Variants in SORCS3 observed in about 807,000 individuals in gnomAD.
SORCS3 encodes VPS10 domain-containing receptor SorCS3.
In SORCS3, 57 loss-of-function variants were observed where a neutral mutation model predicts 146.3. That is an observed-to-expected ratio of 0.39 (90% confidence interval 0.31 to 0.49). SORCS3 has a LOEUF of 0.49. Among genes scored for constraint, SORCS3 ranks in the 20% least tolerant of loss-of-function variants. The pLI, the probability that SORCS3 is intolerant of heterozygous loss-of-function variation, is 0.92. For synonymous variants in SORCS3, 653 were observed against 618.5 expected, an observed-to-expected ratio of 1.06 and a Z score of -0.83; for missense variants, 1,341 against 1,575.5, an observed-to-expected ratio of 0.85 and a Z score of 2.52.
chr10:104,822,252 A>G (rs2017882210), intron 1 of SORCS3: 1 of 342,370 alleles, frequency 2.9e-6, no homozygotes, highest in Non-Finnish European at 5.8e-6. Flanking sequence ...GACCAGAGTC[A>G]ACACACAAGA....
chr10:104,956,557 T>C (rs1186046759), intron 3 of SORCS3, among the ~76,000 whole-genome samples: 8 of 152,110 alleles, frequency 5.3e-5, no homozygotes, highest in African/African-American at 1.9e-4. Context: ...CTCCTTCTCA[T>C]CATCTCCTCT....
intron 2 of SORCS3, among the ~76,000 whole-genome samples, chr10:104,872,346 G>C (rs987600556): frequency 6.6e-6 from 1 of 152,130 alleles, no homozygotes; most frequent in African/African-American, 2.4e-5. Flanking sequence ...TGAGGGGTTT[G>C]TGTCTGATAC....
chr10:104,691,683 T>C (rs892711108), intron 1 of SORCS3, among the ~76,000 whole-genome samples: 2 of 152,238 alleles, frequency 1.3e-5, no homozygotes, highest in Non-Finnish European at 2.9e-5. Flanking sequence ...GGCATGTAAT[T>C]GTTTATATGT....
chr10:105,188,756 C>A (rs2056495043), intron 14 of SORCS3, among the ~76,000 whole-genome samples: 1 of 152,170 alleles, frequency 6.6e-6, no homozygotes, highest in Non-Finnish European at 1.5e-5. Context: ...TGTGAAATGA[C>A]TTCATCATAA....
chr10:104,875,604 T>G (rs1485145149), intron 2 of SORCS3, among the ~76,000 whole-genome samples: 1 of 152,154 alleles, frequency 6.6e-6, no homozygotes, highest in Non-Finnish European at 1.5e-5. Flanking sequence ...GATAAACCTT[T>G]GAAATGTCAG....
chr10:105,078,103 G>A (rs2055600455), intron 5 of SORCS3, among the ~76,000 whole-genome samples: 1 of 152,148 alleles, frequency 6.6e-6, no homozygotes, highest in Admixed American at 6.5e-5. Context: ...AGGATAAATG[G>A]TGAAAATAGC....
At chr10:105,167,370 T>C (rs1009886236) in intron 13 of SORCS3, 21 bp downstream of exon 13, 3 of 1,578,416 alleles carry the variant, frequency 1.9e-6, no homozygotes, top group Admixed American at 1.7e-5. Flanking sequence ...CTCCCTACCC[T>C]ATTAATGAGC....
At chr10:104,777,120 A>G (rs2017318805) in intron 1 of SORCS3, among the ~76,000 whole-genome samples, 1 of 152,140 alleles carries the variant, frequency 6.6e-6, no homozygotes, top group African/African-American at 2.4e-5. Flanking sequence ...AGAATTAAGC[A>G]TCCTTTTGGC....
At chr10:105,078,432 T>C (rs1401032021) in intron 5 of SORCS3, among the ~76,000 whole-genome samples, 2 of 152,144 alleles carry the variant, frequency 1.3e-5, no homozygotes, top group African/African-American at 4.8e-5. Context: ...TAGACTATGC[T>C]TGAATCCAGG....
At chr10:104,680,360 G>T (rs979931023) in intron 1 of SORCS3, among the ~76,000 whole-genome samples, 8 of 152,216 alleles carry the variant, frequency 5.3e-5, no homozygotes, top group Admixed American at 1.3e-4. Flanking sequence ...GTCCCCATCA[G>T]GACTTAATAC....
intron 2 of SORCS3, among the ~76,000 whole-genome samples, chr10:104,854,458 TTG>T (rs1349173942): frequency 6.6e-6 from 1 of 152,172 alleles, no homozygotes; most frequent in Non-Finnish European, 1.5e-5. Flanking sequence ...CAGAGAGATA[TTG>T]TGTATACTTT....
chr10:105,118,661 G>A (rs575608121), intron 7 of SORCS3, among the ~76,000 whole-genome samples: 93 of 152,294 alleles, frequency 6.1e-4, no homozygotes, highest in Middle Eastern at 6.8e-3. Flanking sequence ...GGACAAGGAA[G>A]TCCAGGCTGA....
chr10:104,725,695 C>G (rs1373170729), intron 1 of SORCS3, among the ~76,000 whole-genome samples: 3 of 152,244 alleles, frequency 2.0e-5, no homozygotes, highest in African/African-American at 7.2e-5. Flanking sequence ...CTCCCCCAGC[C>G]TCACTGCCAC....
At chr10:104,934,072 A>T (rs1220765013) in intron 3 of SORCS3, among the ~76,000 whole-genome samples, 2 of 152,174 alleles carry the variant, frequency 1.3e-5, no homozygotes, top group Non-Finnish European at 2.9e-5. Context: ...GATTACAAGC[A>T]TGAGCCACTG....
intron 2 of SORCS3, among the ~76,000 whole-genome samples, chr10:104,883,270 TG>T (rs1459898086): frequency 6.6e-6 from 1 of 152,180 alleles, no homozygotes; most frequent in African/African-American, 2.4e-5. Flanking sequence ...TGAGAGTCTC[TG>T]AGGTCTTAAC....
chr10:105,057,919 A>G (rs1037542436), intron 5 of SORCS3, among the ~76,000 whole-genome samples: 1 of 152,164 alleles, frequency 6.6e-6, no homozygotes. Flanking sequence ...CCAAATCAGG[A>G]CACGTTCTCC....
chr10:104,863,106 A>G (rs2018422973), intron 2 of SORCS3, among the ~76,000 whole-genome samples: 1 of 152,150 alleles, frequency 6.6e-6, no homozygotes, highest in South Asian at 2.1e-4. Flanking sequence ...AATGGGTAAA[A>G]TCTGCTGAGA....
At chr10:105,163,382 A>G (rs2056283261) in intron 11 of SORCS3, among the ~76,000 whole-genome samples, 1 of 152,198 alleles carries the variant, frequency 6.6e-6, no homozygotes, top group African/African-American at 2.4e-5. Flanking sequence ...AAACTCTTAC[A>G]TGTTTAGGGT....
At chr10:105,135,147 C>A (rs2133775152) in intron 7 of SORCS3, among the ~76,000 whole-genome samples, 1 of 152,210 alleles carries the variant, frequency 6.6e-6, no homozygotes, top group East Asian at 1.9e-4. Flanking sequence ...CCTTCCAGGC[C>A]ATGGGGTGAG....
Sources: gnomAD v4.1 joint callset for allele counts (sites outside exome capture counted in the v4.1 genomes callset) on GRCh38, gnomAD v4.1.1 for gene constraint, MANE v1.5 for transcripts, NCBI Gene and HGNC (gene_info 2026-07-23, HGNC 2026-07-21) for gene names.